The following TENM4 variants were observed in gnomAD, a reference collection of about 807,000 sequenced individuals.
TENM4 encodes the protein teneurin-4.
TENM4 carries 82 observed loss-of-function variants against 243.3 expected under a neutral mutation model. The observed-to-expected ratio is 0.34, with a 90% CI of 0.28 to 0.40. The LOEUF is 0.40. Among genes scored for constraint, TENM4 ranks in the 10% least tolerant of loss-of-function variants. TENM4 has a pLI of 1.00. For synonymous variants in TENM4, 1,412 were observed against 1,456.3 expected (o/e 0.97, Z 0.69); for missense variants, 3,138 against 3,673.3 (o/e 0.85, Z 3.77).
At chr11:78,705,580 G>T (rs996550938) in intron 27 of TENM4, among the ~76,000 whole-genome samples, 7 of 152,210 alleles carry the variant, frequency 4.6e-5, no homozygotes, top group Admixed American at 2.0e-4. Flanking sequence ...ACGTTCTATG[G>T]TTCCAGTGTG....
intron 2 of TENM4, among the ~76,000 whole-genome samples, chr11:79,297,072 T>G (rs1296206129): frequency 6.6e-6 from 1 of 152,196 alleles, no homozygotes. Context: ...TTGCAGGACT[T>G]GAGCCCAGAA....
intron 15 of TENM4, among the ~76,000 whole-genome samples, chr11:78,796,551 C>G (rs1857164809): frequency 6.6e-6 from 1 of 152,162 alleles, no homozygotes; most frequent in South Asian, 2.1e-4. Flanking sequence ...ACACTTCCAC[C>G]TGGCTGTCCC....
intron 4 of TENM4, among the ~76,000 whole-genome samples, chr11:79,130,627 T>G (rs1861983690): frequency 6.6e-6 from 1 of 152,050 alleles, no homozygotes. Flanking sequence ...ATCGAGACCA[T>G]CCTGGCTAAC....
intron 1 of TENM4, among the ~76,000 whole-genome samples, chr11:79,429,011 T>C (rs1817059254): frequency 6.6e-6 from 1 of 152,148 alleles, no homozygotes. Context: ...TGCTAGTCTT[T>C]GGTAAAAAGC....
At chr11:78,661,107 G>A (rs1858019848) in intron 33 of TENM4, among the ~76,000 whole-genome samples, 1 of 152,186 alleles carries the variant, frequency 6.6e-6, no homozygotes, top group Admixed American at 6.5e-5. Flanking sequence ...GTGCATTGAA[G>A]TACTCAGAAA....
intron 32 of TENM4, among the ~76,000 whole-genome samples, chr11:78,662,088 G>A (rs2135636640): frequency 6.6e-6 from 1 of 152,246 alleles, no homozygotes; most frequent in Admixed American, 6.5e-5. Flanking sequence ...AGTCCCACGG[G>A]TTACAGAGAT....
chr11:78,778,470 G>A (rs1591016768), intron 17 of TENM4, 132 bp downstream of exon 17: 1 of 972,134 alleles, frequency 1.0e-6, no homozygotes, highest in Non-Finnish European at 1.5e-6. Flanking sequence ...CGACAAAACT[G>A]GGGATGCATT....
At chr11:78,919,566 C>T (rs116757763) in intron 6 of TENM4, among the ~76,000 whole-genome samples, 2,018 of 152,144 alleles carry the variant, frequency 0.013, 59 homozygotes, top group African/African-American at 0.046. Flanking sequence ...GGTTACAAGG[C>T]TGGTAGTAGA....
chr11:79,416,773 T>G (rs1858823066), intron 1 of TENM4, among the ~76,000 whole-genome samples: 1 of 151,962 alleles, frequency 6.6e-6, no homozygotes. Context: ...AGGTCTCTGC[T>G]CCAAATCCTG....
intron 1 of TENM4, among the ~76,000 whole-genome samples, chr11:79,386,979 C>A (rs1858129004): frequency 6.6e-6 from 1 of 152,060 alleles, no homozygotes; most frequent in South Asian, 2.1e-4. Context: ...TTTGTAACAG[C>A]CCCAAACTAG....
At chr11:78,809,704 T>C (rs1332155187) in intron 14 of TENM4, among the ~76,000 whole-genome samples, 1 of 152,320 alleles carries the variant, frequency 6.6e-6, no homozygotes, top group East Asian at 1.9e-4. Flanking sequence ...GGCCTTTGTC[T>C]GGAAGACAGC....
intron 12 of TENM4, among the ~76,000 whole-genome samples, chr11:78,844,756 G>C (rs1336711623): frequency 6.6e-6 from 1 of 152,154 alleles, no homozygotes; most frequent in African/African-American, 2.4e-5. Context: ...CAGCCTGGAA[G>C]AGAGGCCTCA....
At position 78,729,571 on chromosome 11, in the gene TENM4, A is replaced by G. The variant is rs1444186134; in HGVS notation, c.3211T>C (p.Tyr1071His). The change falls in exon 22 of 34, where the codon TAC (tyrosine) becomes CAC (histidine). Residue 1071 changes from tyrosine (Y) to histidine (H), a missense_variant. Tyr to His is a moderately conservative substitution (Grantham distance 83). This residue lies in a region of TENM4 where 2,467 missense variants were observed against 3,059.1 expected (regional missense o/e 0.81). Transcript: ENST00000278550. ...LSYLSSRTPG[Y>H]KSVLRISLTH... The stretch of plus-strand genomic sequence containing the variant: ...AGGCTGATCCTCAGGACAGATTTGT[A>G]GCCAGGGGTCCGGCTGCTCAGGTAG... 1 of 1,613,948 alleles carries G rather than the reference A, an allele frequency of 6.2e-7. No homozygotes were observed. Among genetic ancestry groups the G allele is most frequent in the Non-Finnish European group, 8.5e-7 (1 of 1,179,868 alleles).
intron 5 of TENM4, among the ~76,000 whole-genome samples, chr11:79,068,883 T>C (rs909006567): frequency 6.6e-5 from 10 of 151,962 alleles, no homozygotes; most frequent in Non-Finnish European, 1.3e-4. Context: ...CAGAAACAGA[T>C]TTGGGGAAAG....
At chr11:79,140,873 G>A (rs1862273249) in intron 4 of TENM4, among the ~76,000 whole-genome samples, 1 of 152,048 alleles carries the variant, frequency 6.6e-6, no homozygotes, top group Non-Finnish European at 1.5e-5. Flanking sequence ...TTAGACAGAA[G>A]AGGCAGGAAG....
At chr11:79,163,492 C>CCGAGCAGTGCACCCTATACACA (rs1862802172) in intron 3 of TENM4, among the ~76,000 whole-genome samples, 1 of 151,662 alleles carries the variant, frequency 6.6e-6, no homozygotes, top group South Asian at 2.1e-4. Context: ...CACCCATCAC[C>CCGAGCAGTGCACCCTATACACA]CGAGCAGTGC....
chr11:79,116,660 A>G (rs1460501391), intron 4 of TENM4, among the ~76,000 whole-genome samples: 1 of 152,218 alleles, frequency 6.6e-6, no homozygotes. Context: ...CAGCAAGTAA[A>G]TGATTTTGTT....
intron 1 of TENM4, among the ~76,000 whole-genome samples, chr11:79,308,792 A>G (rs890056266): frequency 6.6e-6 from 1 of 152,154 alleles, no homozygotes; most frequent in African/African-American, 2.4e-5. Context: ...GACCCACAGA[A>G]CAATCATTTC....
At chr11:79,317,428 A>C (rs1174800944) in intron 1 of TENM4, among the ~76,000 whole-genome samples, 1 of 152,124 alleles carries the variant, frequency 6.6e-6, no homozygotes. Flanking sequence ...TCTAATTTTT[A>C]GGGCCCTGTT....
Sources: gnomAD v4.1 joint callset for allele counts (sites outside exome capture counted in the v4.1 genomes callset) on GRCh38, gnomAD v4.1.1 for gene constraint, gnomAD v4.1.1 regional missense constraint, MANE v1.5 for transcripts, NCBI Gene and HGNC (gene_info 2026-07-23, HGNC 2026-07-21) for gene names.